LAG3: variants seen among roughly 807,000 people sequenced by gnomAD.
LAG3 encodes the protein lymphocyte activating 3.
In LAG3, 29 loss-of-function variants were observed where a neutral mutation model predicts 49.0. The observed-to-expected ratio is 0.59, with a 90% CI of 0.44 to 0.81. The LOEUF is 0.81. Ranked by LOEUF, LAG3 falls within the 30% of genes least tolerant of loss-of-function variation. The pLI is 0.00. For synonymous variants in LAG3, 320 were observed against 297.3 expected (o/e 1.08, Z -0.79); for missense variants, 693 against 695.2 (o/e 1.00, Z 0.04).
chr12:6,777,987 T>C, intron 7 of LAG3, 66 bp downstream of exon 7: 3 of 1,606,078 alleles, frequency 1.9e-6, no homozygotes, highest in Non-Finnish European at 2.5e-6. Flanking sequence ...AGAGTGCTGA[T>C]GGCACCCCTT....
chr12:6,774,963 G>C lies in LAG3; in HGVS notation c.781+99G>C, dbSNP rs536419653. ...GTCCCCAAACCAGGTTCTCGGCAGC[G>C]AGTGGCCTACGTCATTGCTGTGGGT... On this transcript the variant is annotated intron_variant, in intron 4 of 7. Coordinates refer to ENST00000203629, the MANE Select transcript of LAG3 (RefSeq NM_002286.6). 4.9e-6 allele frequency: 6 copies of C among 1,230,580 alleles called. No homozygotes were observed. The South Asian group carries it at 7.0e-5, about 14-fold the overall frequency. The allele number at this position is 1,230,580 out of a possible 1,614,324, so 76.2% of individuals were successfully genotyped here. A position where few individuals can be genotyped will look rare whatever the true frequency, so the allele number is the denominator to read the frequency against.
At chr12:6,777,060 G>C (rs999886419) in intron 5 of LAG3, among the ~76,000 whole-genome samples, 1 of 152,092 alleles carries the variant, frequency 6.6e-6, no homozygotes, top group African/African-American at 2.4e-5. Context: ...TGGGCAACAT[G>C]GTGAAAACGC....
chr12:6,774,927 C>T (rs1941889024), intron 4 of LAG3, 63 bp downstream of exon 4: 6 of 1,517,020 alleles, frequency 4.0e-6, no homozygotes, highest in African/African-American at 1.4e-5. Context: ...TGTCACCTCC[C>T]CTAACTATGG....
rs1392260502 is a variant in LAG3, at chr12:6,775,557, C to T, written c.1057+9C>T. ...ATTGGCAATCATCACAGGTCAGCCT[C>T]AGGTGGGAAAGGAGTAGCTGCCCTC... On this transcript the variant is annotated intron_variant, in intron 5 of 7. Transcript: ENST00000203629. 1 of 1,613,462 alleles carries T rather than the reference C, an allele frequency of 6.2e-7. No individual in the cohort carries two copies. Among genetic ancestry groups the T allele is most frequent in the Non-Finnish European group, 8.5e-7 (1 of 1,179,400 alleles).
chr12:6,773,856 G>A lies in LAG3; in HGVS notation c.366G>A (p.Leu122=), dbSNP rs749847473. The change falls in exon 3 of 8, where the codon CTG becomes CTA. Residue 122 remains leucine, a synonymous_variant. Transcript: ENST00000203629. This position sits in a 1 kb window ranked among gnomAD's most constrained non-coding sequence, Gnocchi z 5.5. ...GRLPLQPRVQ[L]DERGRQRGDF... is the part of the protein sequence containing the mutation. ...TGCCCCTGCAGCCCCGCGTCCAGCT[G>A]GATGAGCGCGGCCGGCAGCGCGGGG... is the stretch of plus-strand genomic sequence containing the variant. 2.8e-6 allele frequency: 4 copies of A among 1,405,834 alleles called. No individual in the cohort carries two copies. Among genetic ancestry groups the A allele is most frequent in the African/African-American group, 1.5e-5 (1 of 66,244 alleles). 87.1% of individuals were successfully genotyped at this position (1,405,834 alleles called of 1,614,324 possible). A position where few individuals can be genotyped will look rare whatever the true frequency, so the allele number is the denominator to read the frequency against.
Position 6,774,711 on chromosome 12 carries a change from C to G in LAG3, c.628C>G (p.Arg210Gly), listed in dbSNP as rs1206912596. The change falls in exon 4 of 8, where the codon CGA (arginine) becomes GGA (glycine). Residue 210 changes from arginine to glycine, a missense_variant. Physicochemically the swap from Arg to Gly is moderately radical, Grantham distance 125. Coordinates refer to ENST00000203629, the MANE Select transcript of LAG3 (RefSeq NM_002286.6). ...VHWFRNRGQG[R>G]VPVRESPHHH... The stretch of plus-strand genomic sequence containing the variant: ...TTGGTTCCGGAACCGGGGCCAGGGC[C>G]GAGTCCCTGTCCGGGAGTCCCCCCA... 2 of 1,614,170 alleles carry G rather than the reference C, an allele frequency of 1.2e-6. No homozygotes were observed. Among genetic ancestry groups the G allele is most frequent in the Non-Finnish European group, 1.7e-6 (2 of 1,180,008 alleles).
chr12:6,773,560 G>C lies in LAG3; in HGVS notation c.207-137G>C, dbSNP rs1272805897. The C allele has an allele frequency of 8.6e-7, 1 of 1,160,408 alleles. No individual in the cohort carries two copies. The highest frequency in any genetic ancestry group is 1.9e-5 in the South Asian group (1 of 52,412). 71.9% of individuals were successfully genotyped at this position (1,160,408 alleles called of 1,614,324 possible). On this transcript the variant is annotated intron_variant, in intron 2 of 7. Coordinates refer to ENST00000203629, the MANE Select transcript of LAG3 (RefSeq NM_002286.6). This position sits in a 1 kb window ranked among gnomAD's most constrained non-coding sequence, Gnocchi z 5.5. ...AGTGGATGCGGCCAGTCCAACAGAG[G>C]GGTCGGGCGTGAGGGGACGGTTGGT... is the stretch of plus-strand genomic sequence containing the variant.
chr12:6,775,149 G>T, intron 4 of LAG3, 124 bp from the exon 5 acceptor site: 1 of 1,118,290 alleles, frequency 8.9e-7, no homozygotes, highest in Non-Finnish European at 1.3e-6. Context: ...ACCTTATTCT[G>T]CTCCTTAGCA....
At chr12:6,777,598 T>C (rs2137811232) in intron 6 of LAG3, 92 bp downstream of exon 6, 1 of 1,515,474 alleles carries the variant, frequency 6.6e-7, no homozygotes, top group Non-Finnish European at 8.9e-7. Flanking sequence ...ATCCCAGCGC[T>C]TTTCTTTCCA....
chr12:6,777,371 T>C lies in LAG3; in HGVS notation c.1165T>C (p.Ser389Pro), dbSNP rs1205628876. 1.2e-6 allele frequency: 2 copies of C among 1,614,070 alleles called. No homozygotes were observed. Among genetic ancestry groups the C allele is most frequent in the Non-Finnish European group, 1.7e-6 (2 of 1,180,040 alleles). Residue 389 changes from serine (S) to proline (P), a missense_variant, in exon 6 of 8, where the codon TCC becomes CCC. Coordinates refer to ENST00000203629, the MANE Select transcript of LAG3 (RefSeq NM_002286.6). ...RFVWSSLDTP[S>P]QRSFSGPWLE... is the part of the protein sequence containing the mutation. ...TGTGTGGAGCTCTCTGGACACCCCA[T>C]CCCAGAGGAGTTTCTCAGGACCTTG...
At position 6,778,406 on chromosome 12, in the gene LAG3, G is replaced by C. The variant is rs753286025; in HGVS notation, c.*16G>C. The C allele has an allele frequency of 1.7e-5, 27 of 1,606,776 alleles. No individual in the cohort carries two copies. Among genetic ancestry groups the C allele is most frequent in the Non-Finnish European group, 2.2e-5 (26 of 1,179,682 alleles). Reference sequence around the variant, plus strand: ...GCAGCTCTGACCTGGAGCTGAGGCAGCCAGCAGATCTCAGCAGCCCAGTCC... The same window carrying C: ...GCAGCTCTGACCTGGAGCTGAGGCACCCAGCAGATCTCAGCAGCCCAGTCC... On this transcript the variant is annotated 3_prime_UTR_variant, in exon 8 of 8. Transcript: ENST00000203629.
At position 6,773,398 on chromosome 12, in the gene LAG3, G is replaced by T; in HGVS notation, c.206+59G>T. The T allele has an allele frequency of 6.3e-7, 1 of 1,590,912 alleles. No homozygotes were observed. On this transcript the variant is annotated intron_variant, in intron 2 of 7. Coordinates refer to ENST00000203629, the MANE Select transcript of LAG3 (RefSeq NM_002286.6). The surrounding 1 kb of genome is among the most constrained non-coding windows in gnomAD (Gnocchi z 5.5). ...GAATCCAGCACTCAACCCCACACCC[G>T]TGCCGGTCCTCTGTCCCCTGCCCTG...
Position 6,773,780 on chromosome 12 carries a change from G to A in LAG3, c.290G>A (p.Arg97His), listed in dbSNP as rs1409223661. Residue 97 changes from arginine (R) to histidine (H), a missense_variant, in exon 3 of 8, where the codon CGC becomes CAC. Transcript: ENST00000203629. The surrounding 1 kb of genome is among the most constrained non-coding windows in gnomAD (Gnocchi z 5.5). ...AAPSSWGPRP[R>H]RYTVLSVGPG... ...CCCTCCTCCTGGGGGCCCAGGCCCC[G>A]CCGCTACACGGTGCTGAGCGTGGGT... 7.5e-7 allele frequency: 1 copy of A among 1,338,734 alleles called. No homozygotes were observed. Among genetic ancestry groups the A allele is most frequent in the East Asian group, 3.1e-5 (1 of 32,078 alleles). The allele number at this position is 1,338,734 out of a possible 1,614,324, so 82.9% of individuals were successfully genotyped here. A position where few individuals can be genotyped will look rare whatever the true frequency, so the allele number is the denominator to read the frequency against.
chr12:6,773,973 C>T lies in LAG3; in HGVS notation c.483C>T (p.Arg161=), dbSNP rs772335167. The change falls in exon 3 of 8, where the codon CGC becomes CGT. Residue 161 remains arginine, a synonymous_variant. Coordinates refer to ENST00000203629, the MANE Select transcript of LAG3 (RefSeq NM_002286.6). This position sits in a 1 kb window ranked among gnomAD's most constrained non-coding sequence, Gnocchi z 5.5. ...VHLRDRALSC[R]LRLRLGQASM... The stretch of plus-strand genomic sequence containing the variant: ...TCAGGGACCGCGCCCTCTCCTGCCG[C>T]CTCCGTCTGCGCCTGGGCCAGGCCT... 6 of 1,441,294 alleles carry T rather than the reference C, an allele frequency of 4.2e-6. No individual in the cohort carries two copies. Among genetic ancestry groups the T allele is most frequent in the Non-Finnish European group, 5.4e-6 (6 of 1,106,020 alleles). 89.3% of individuals were successfully genotyped at this position (1,441,294 alleles called of 1,614,324 possible). A position where few individuals can be genotyped will look rare whatever the true frequency, so the allele number is the denominator to read the frequency against.
At chr12:6,774,105 G>A (rs1263703305) in intron 3 of LAG3, 104 bp downstream of exon 3, 2 of 1,330,524 alleles carry the variant, frequency 1.5e-6, no homozygotes, top group Admixed American at 4.0e-5. Flanking sequence ...CCTAGGCCCT[G>A]TCGGAGAGCT....
In LAG3 at chr12:6,777,216, G is replaced by A. The variant is rs370339322; in HGVS notation, c.1058-48G>A. The A allele has an allele frequency of 5.8e-5, 94 of 1,610,800 alleles. 1 individual carries two copies. The highest frequency in any genetic ancestry group is 2.0e-4 in the Admixed American group (12 of 59,868). ...CTTGGGGTTCAACCTGTGATATCAC[G>A]TAAGGGGGGCAGAATCCCAAAAGAT... On this transcript the variant is annotated intron_variant, in intron 5 of 7. Transcript: ENST00000203629.
In LAG3 at chr12:6,777,806, G is replaced by C. The variant is rs1235844084; in HGVS notation, c.1316G>C (p.Gly439Ala). ...ELSSPGAQRS[G>A]RAPGALPAGH... The stretch of plus-strand genomic sequence containing the variant: ...TTCTCCATAGGTGCCCAACGCTCTG[G>C]GAGAGCCCCAGGTGCCCTCCCAGCA... Residue 439 changes from glycine to alanine, a missense_variant, in exon 7 of 8, where the codon GGG becomes GCG. Physicochemically the swap from Gly to Ala is moderately conservative, Grantham distance 60 (BLOSUM62 0). Coordinates refer to ENST00000203629, the MANE Select transcript of LAG3 (RefSeq NM_002286.6). 1.9e-6 allele frequency: 3 copies of C among 1,613,732 alleles called. No homozygotes were observed. The highest frequency in any genetic ancestry group is 3.3e-5 in the Admixed American group (2 of 59,886).
In LAG3 at chr12:6,775,381, A is replaced by G; in HGVS notation, c.890A>G (p.Lys297Arg). Residue 297 changes from lysine (K) to arginine (R), a missense_variant, in exon 5 of 8, where the codon AAG becomes AGG. Transcript: ENST00000203629. ...GVGTRSFLTA[K>R]WTPPGGGPDL... is the part of the protein sequence containing the mutation. ...GGGACCCGGTCTTTCCTCACTGCCA[A>G]GTGGACTCCTCCTGGGGGAGGCCCT... The G allele has an allele frequency of 6.2e-7, 1 of 1,614,158 alleles. No homozygotes were observed. The highest frequency in any genetic ancestry group is 8.5e-7 in the Non-Finnish European group (1 of 1,180,030).
At position 6,773,966 on chromosome 12, in the gene LAG3, C is replaced by T; in HGVS notation, c.476C>T (p.Ser159Phe). The change falls in exon 3 of 8, where the codon TCC becomes TTC. Residue 159 changes from serine to phenylalanine, a missense_variant. Transcript: ENST00000203629. This position sits in a 1 kb window ranked among gnomAD's most constrained non-coding sequence, Gnocchi z 5.5. ...AAVHLRDRAL[S>F]CRLRLRLGQA... is the part of the protein sequence containing the mutation. Reference sequence around the variant, plus strand: ...GTGCACCTCAGGGACCGCGCCCTCTCCTGCCGCCTCCGTCTGCGCCTGGGC... The same window carrying T: ...GTGCACCTCAGGGACCGCGCCCTCTTCTGCCGCCTCCGTCTGCGCCTGGGC... 3 of 1,440,566 alleles carry T rather than the reference C, an allele frequency of 2.1e-6. No individual in the cohort carries two copies. Among genetic ancestry groups the T allele is most frequent in the South Asian group, 1.4e-5 (1 of 72,004 alleles). 89.2% of individuals were successfully genotyped at this position (1,440,566 alleles called of 1,614,324 possible). A position where few individuals can be genotyped will look rare whatever the true frequency, so the allele number is the denominator to read the frequency against.
Sources: gnomAD v4.1 joint callset for allele counts (sites outside exome capture counted in the v4.1 genomes callset) on GRCh38, gnomAD v4.1.1 for gene constraint, Gnocchi (gnomAD v3.1) non-coding constraint, MANE v1.5 for transcripts, NCBI Gene and HGNC (gene_info 2026-07-23, HGNC 2026-07-21) for gene names.